The following POLR2F variants were observed in gnomAD, a reference collection of about 807,000 sequenced individuals.
The protein encoded by POLR2F is RNA polymerase II, I and III subunit F.
Under a neutral mutation model 22.7 loss-of-function variants are expected in POLR2F, and 12 were observed. The observed-to-expected ratio is 0.53, with a 90% confidence interval of 0.34 to 0.86. The LOEUF (loss-of-function observed/expected upper bound fraction) is 0.86. Among genes scored for constraint, POLR2F ranks in the 40% least tolerant of loss-of-function variants. The pLI is 0.02. For synonymous variants in POLR2F, 57 were observed against 66.0 expected (o/e 0.86, Z 0.66); for missense variants, 126 against 171.5 (o/e 0.73, Z 1.48).
At chr22:38,022,322 C>T (rs1278900592) in intron 1 of POLR2F, among the ~76,000 whole-genome samples, 5 of 151,708 alleles carry the variant, frequency 3.3e-5, no homozygotes, top group Admixed American at 1.3e-4. Flanking sequence ...GAGGCCGAGG[C>T]GGGCGGATCA....
chr22:37,961,690 TTTCAAA>T (rs1931645942), intron 3 of POLR2F, among the ~76,000 whole-genome samples: 1 of 152,168 alleles, frequency 6.6e-6, no homozygotes. Context: ...AAGCAGGGAC[TTTCAAA>T]GAGGCTGGGC....
upstream of POLR2F, among the ~76,000 whole-genome samples, chr22:37,984,877 G>A (rs1428202358): frequency 6.6e-6 from 1 of 152,148 alleles, no homozygotes; most frequent in East Asian, 1.9e-4. The surrounding 1 kb of genome is among the most constrained non-coding windows in gnomAD (Gnocchi z 4.4). Flanking sequence ...TCTGCCTCAG[G>A]TGGCAGGATG....
chr22:38,033,112 T>C (rs1375908165), intron 5 of POLR2F: 3 of 163,482 alleles, frequency 1.8e-5, no homozygotes, highest in Non-Finnish European at 4.4e-5. Context: ...TGAGTTGTGA[T>C]CATGATACCG....
chr22:37,967,430 G>C, intron 4 of POLR2F, 195 bp from the exon 5 acceptor site: 1 of 1,433,806 alleles, frequency 7.0e-7, no homozygotes. Flanking sequence ...CCAATATTCT[G>C]TCATTCTTCC....
chr22:38,033,985 C>A (rs552907892), intron 5 of POLR2F, among the ~76,000 whole-genome samples: 1 of 152,260 alleles, frequency 6.6e-6, no homozygotes, highest in South Asian at 2.1e-4. Flanking sequence ...CGCCGCTGAC[C>A]CCTATTCCCT....
downstream of POLR2F, among the ~76,000 whole-genome samples, chr22:38,028,205 G>A: frequency 6.6e-6 from 1 of 152,286 alleles, no homozygotes; most frequent in East Asian, 1.9e-4. Flanking sequence ...GATGGAGGAG[G>A]TCACCACATG....
At chr22:38,038,309 C>T (rs1291817738) in intron 5 of POLR2F, among the ~76,000 whole-genome samples, 1 of 152,106 alleles carries the variant, frequency 6.6e-6, no homozygotes. Flanking sequence ...ATTCAGAGGG[C>T]GTCCTCTTGA....
At chr22:38,037,678 C>T (rs532386452) in intron 5 of POLR2F, among the ~76,000 whole-genome samples, 2 of 151,542 alleles carry the variant, frequency 1.3e-5, no homozygotes, top group Admixed American at 6.6e-5. Context: ...CTGCAACCTC[C>T]ACCTCCCGGG....
At chr22:38,011,318 T>G (rs2084870191) in intron 1 of POLR2F, among the ~76,000 whole-genome samples, 4 of 152,002 alleles carry the variant, frequency 2.6e-5, no homozygotes, top group African/African-American at 9.7e-5. Context: ...TTGCCCAGGC[T>G]GGTCTTGAAC....
downstream of POLR2F, among the ~76,000 whole-genome samples, chr22:38,028,668 G>A (rs964777881): frequency 1.3e-5 from 2 of 152,132 alleles, no homozygotes; most frequent in Non-Finnish European, 2.9e-5. Context: ...TTGGGGAGAG[G>A]ACAGCGGCCA....
chr22:38,003,417 G>A (rs1277903310), intron 1 of POLR2F, among the ~76,000 whole-genome samples: 2 of 152,112 alleles, frequency 1.3e-5, no homozygotes, highest in Non-Finnish European at 2.9e-5. Context: ...AGTAAGGATG[G>A]GGTTTCACCA....
chr22:37,993,463 G>T lies in POLR2F; in HGVS notation c.120+7151G>T, dbSNP rs542101992. Among the ~76,000 whole-genome samples, 38 of 152,306 alleles carry T rather than the reference G, an allele frequency of 2.5e-4. No homozygotes were observed. In the South Asian group the frequency reaches 7.7e-3, roughly 31 times the overall value. The stretch of plus-strand genomic sequence containing the variant: ...GTGATCCAGTCAGAATTTAGCGTTT[G>T]TCTGAGCTTGAAGGATCCTCCTCGC... On this transcript the variant is annotated intron_variant, in intron 1 of 2. Transcript: ENST00000333418.
In POLR2F at chr22:38,017,490, C is replaced by T. The variant is rs536037581; in HGVS notation, c.121-8379C>T. ...CAAGGGCTCCCAAGTTGTTCGCCAT[C>T]TCTGGGCCTGTGGGTGTCTCCCTCT... On this transcript the variant is annotated intron_variant, in intron 1 of 2. Coordinates refer to the POLR2F transcript ENST00000333418. This position sits in a 1 kb window ranked among gnomAD's most constrained non-coding sequence, Gnocchi z 4.1. 4.0e-4 allele frequency among the ~76,000 whole-genome samples: 61 copies of T among 152,168 alleles called. No homozygotes were observed. The highest frequency in any genetic ancestry group is 7.6e-4 in the Non-Finnish European group (52 of 68,016).
Position 37,953,816 on chromosome 22 carries a change from G to A in POLR2F, c.20+9G>A. On this transcript the variant is annotated intron_variant, in intron 1 of 4. Coordinates refer to ENST00000442738, the MANE Select transcript of POLR2F (RefSeq NM_021974.5). ...TCAGACAACGAGGACAAGTGAGTGC[G>A]GGAGCGGAGTGGCCTTTGCGGCAAC... The A allele has an allele frequency of 6.2e-7, 1 of 1,608,692 alleles. No homozygotes were observed. Among genetic ancestry groups the A allele is most frequent in the Non-Finnish European group, 8.5e-7 (1 of 1,178,580 alleles).
chr22:37,967,087 C>T lies in POLR2F; in HGVS notation c.222-12C>T. On this transcript the variant is annotated splice_polypyrimidine_tract_variant and intron_variant, in intron 3 of 4. Transcript: ENST00000442738. ...TTTGTAGTCTCCCTAACACCTGTCC[C>T]TATCCCTACAGGATGTGTGCCCCTG... 1 of 1,606,576 alleles carries T rather than the reference C, an allele frequency of 6.2e-7. No individual in the cohort carries two copies. The highest frequency in any genetic ancestry group is 8.5e-7 in the Non-Finnish European group (1 of 1,175,116).
chr22:37,961,801 C>A (rs765601422), intron 3 of POLR2F, among the ~76,000 whole-genome samples: 1 of 152,114 alleles, frequency 6.6e-6, no homozygotes, highest in African/African-American at 2.4e-5. Flanking sequence ...GAGCGGGGTA[C>A]TCTAATGGTA....
chr22:37,971,680 G>C (rs974112538), downstream of POLR2F, among the ~76,000 whole-genome samples: 2 of 152,014 alleles, frequency 1.3e-5, no homozygotes, highest in Non-Finnish European at 1.5e-5. Context: ...GGTGGCAAGT[G>C]GGGGGATGCA....
chr22:38,011,568 A>G (rs559649413), intron 1 of POLR2F, among the ~76,000 whole-genome samples: 12 of 152,012 alleles, frequency 7.9e-5, no homozygotes, highest in South Asian at 4.2e-4. Flanking sequence ...TTGAAAATCA[A>G]TTGACCACAT....
intron 1 of POLR2F, 114 bp from the exon 2 acceptor site, chr22:37,956,659 C>A (rs1318284535): frequency 1.3e-5 from 11 of 818,964 alleles, no homozygotes; most frequent in Non-Finnish European, 1.9e-5. Context: ...TCAAGTGATC[C>A]GCCCACTTCA....
Sources: allele counts gnomAD v4.1 joint callset (sites outside exome capture counted in the v4.1 genomes callset), GRCh38; gene constraint gnomAD v4.1.1; non-coding constraint Gnocchi (gnomAD v3.1); transcripts MANE v1.5; gene names NCBI Gene and HGNC (gene_info 2026-07-23, HGNC 2026-07-21).